The following TBC1D15 variants were observed in gnomAD, a reference collection of about 807,000 sequenced individuals.
TBC1D15 encodes the protein TBC1 domain family member 15.
In TBC1D15, 39 loss-of-function variants were observed where a neutral mutation model predicts 95.4. The ratio of observed to expected loss-of-function variants is 0.41; its 90% CI spans 0.32 to 0.53. The LOEUF (loss-of-function observed/expected upper bound fraction) is 0.53, where lower values mean the gene tolerates loss of function less well. Ranked by LOEUF, TBC1D15 falls within the 20% of genes least tolerant of loss-of-function variation. The pLI, the probability that TBC1D15 is intolerant of heterozygous loss-of-function variation, is 0.29. For missense variants in TBC1D15, 733 were observed against 794.3 expected (o/e 0.92, Z 0.93); for synonymous variants, 258 against 261.3 (o/e 0.99, Z 0.12).
chr12:71,902,730 G>A (rs1592798221), intron 10 of TBC1D15, among the ~76,000 whole-genome samples: 1 of 152,110 alleles, frequency 6.6e-6, no homozygotes, highest in East Asian at 1.9e-4. Context: ...TGACAAGTGG[G>A]ACCTAATTAA....
At chr12:71,861,576 G>T (rs1230636598) in intron 1 of TBC1D15, 8 of 1,303,244 alleles carry the variant, frequency 6.1e-6, no homozygotes, top group Non-Finnish European at 8.1e-6. Context: ...ATTTTATTTG[G>T]GTCTTTTCAC....
At chr12:71,899,229 C>G (rs79590204) in intron 10 of TBC1D15, among the ~76,000 whole-genome samples, 4,768 of 152,210 alleles carry the variant, frequency 0.031, 253 homozygotes, top group African/African-American at 0.11. Context: ...TGATCCTTTC[C>G]AGGAGACTGG....
intron 1 of TBC1D15, among the ~76,000 whole-genome samples, chr12:71,850,664 G>A (rs1220487324): frequency 1.3e-5 from 2 of 152,050 alleles, no homozygotes. Context: ...CTCCTACCTG[G>A]GCCTCTGTAT....
chr12:71,912,469 C>T (rs950716816), intron 11 of TBC1D15, among the ~76,000 whole-genome samples: 5 of 152,086 alleles, frequency 3.3e-5, no homozygotes, highest in Non-Finnish European at 7.4e-5. Flanking sequence ...GACAGAGGCT[C>T]ACAGCAAATT....
chr12:71,923,537 C>A lies in TBC1D15; in HGVS notation c.*333C>A, dbSNP rs1375773826. 4.3e-5 allele frequency: 9 copies of A among 211,510 alleles called. No homozygotes were observed. Among genetic ancestry groups the A allele is most frequent in the Non-Finnish European group, 9.5e-6 (1 of 104,972 alleles). The allele number at this position is 211,510 out of a possible 1,614,324, so 13.1% of individuals were successfully genotyped here. ...TTGAAAAACATTCACTTTGTTTAAG[C>A]TTATTGGGTTTCAGATTTGATTAAA... On this transcript the variant is annotated 3_prime_UTR_variant, in exon 17 of 17. Transcript: ENST00000485960.
intron 1 of TBC1D15, among the ~76,000 whole-genome samples, chr12:71,852,727 TTTGC>T (rs773398264): frequency 3.9e-5 from 6 of 152,144 alleles, no homozygotes; most frequent in Non-Finnish European, 8.8e-5. Context: ...AGCCAGGCTG[TTTGC>T]TAAGACATAG....
At chr12:71,874,621 AT>A (rs57095362) in intron 3 of TBC1D15, among the ~76,000 whole-genome samples, 341 of 122,280 alleles carry the variant, frequency 2.8e-3, no homozygotes, top group African/African-American at 6.6e-3. Context: ...TATATTTACT[AT>A]TTTTTTTTTT....
Position 71,872,107 on chromosome 12 carries a change from C to T in TBC1D15, c.68C>T (p.Ser23Phe). 1 of 1,572,914 alleles carries T rather than the reference C, an allele frequency of 6.4e-7. No homozygotes were observed. The change falls in exon 2 of 17, where the codon TCT (serine) becomes TTT (phenylalanine). Residue 23 changes from serine (S) to phenylalanine (F), a missense_variant. Physicochemically the swap from Ser to Phe is radical, Grantham distance 155. Transcript: ENST00000485960. ...CAAGAAGGAGTATATATTCACTCAT[C>T]TTGTGGAAAGACCAATGACCAAGAC... ...YEQEGVYIHS[S>F]CGKTNDQDGL...
At chr12:71,866,965 T>C (rs994572822) in intron 1 of TBC1D15, among the ~76,000 whole-genome samples, 1 of 152,208 alleles carries the variant, frequency 6.6e-6, no homozygotes, top group Non-Finnish European at 1.5e-5. Flanking sequence ...TGCTTAGACA[T>C]TAGGGTGATG....
intron 1 of TBC1D15, among the ~76,000 whole-genome samples, chr12:71,871,683 T>C (rs1163577737): frequency 6.6e-6 from 1 of 152,250 alleles, no homozygotes; most frequent in Non-Finnish European, 1.5e-5. Context: ...AACCTTGAAC[T>C]CCTGGGCTCA....
chr12:71,913,689 T>G, intron 11 of TBC1D15, 137 bp from the exon 12 acceptor site: 1 of 589,840 alleles, frequency 1.7e-6, no homozygotes, highest in African/African-American at 2.0e-5. Flanking sequence ...CTTTTCTTGG[T>G]GAACATCAGT....
At chr12:71,878,483 C>T (rs973859539) in intron 3 of TBC1D15, among the ~76,000 whole-genome samples, 2 of 150,192 alleles carry the variant, frequency 1.3e-5, no homozygotes, top group East Asian at 2.0e-4. Context: ...TCACTACTGA[C>T]GATAGGGTTA....
rs759918648 is a variant in TBC1D15 at position 71,897,897 on chromosome 12, A to G, written c.1139A>G (p.Gln380Arg). ...KLQWKSISQE[Q>R]EKRNSRLRDY... The stretch of plus-strand genomic sequence containing the variant: ...CAGTGGAAATCCATCAGCCAGGAAC[A>G]AGAGAAAAGAAATTCGAGGTTAAGA... Residue 380 changes from glutamine to arginine, a missense_variant, in exon 10 of 17, where the codon CAA (glutamine) becomes CGA (arginine). Transcript: ENST00000485960. 6.2e-7 allele frequency: 1 copy of G among 1,612,878 alleles called. No homozygotes were observed.
At position 71,872,050 on chromosome 12, in the gene TBC1D15, C is replaced by A. The variant is rs780475975; in HGVS notation, c.31-20C>A. On this transcript the variant is annotated intron_variant, in intron 1 of 16. Transcript: ENST00000485960. ...TACTCAATAGAAATTATGTGACTAA[C>A]TTTATTTTTGCTGTTTTAGATTATA... 2.5e-6 allele frequency: 3 copies of A among 1,191,782 alleles called. No homozygotes were observed. The highest frequency in any genetic ancestry group is 3.2e-5 in the African/African-American group (2 of 63,334). 73.8% of individuals were successfully genotyped at this position (1,191,782 alleles called of 1,614,324 possible). A position where few individuals can be genotyped will look rare whatever the true frequency, so the allele number is the denominator to read the frequency against.
At chr12:71,857,039 TTACA>T (rs780847942) in intron 1 of TBC1D15, among the ~76,000 whole-genome samples, 134 of 152,156 alleles carry the variant, frequency 8.8e-4, no homozygotes, top group Admixed American at 2.0e-3. Flanking sequence ...AATAAAAATA[TTACA>T]TAGCAGATAA....
At chr12:71,900,772 A>C (rs1198876267) in intron 10 of TBC1D15, among the ~76,000 whole-genome samples, 1 of 152,126 alleles carries the variant, frequency 6.6e-6, no homozygotes, top group African/African-American at 2.4e-5. Context: ...AAATAAGGCA[A>C]GGAAAAGGGT....
chr12:71,852,327 G>A (rs1313489466), intron 1 of TBC1D15, among the ~76,000 whole-genome samples: 1 of 152,184 alleles, frequency 6.6e-6, no homozygotes, highest in Non-Finnish European at 1.5e-5. Flanking sequence ...TCCCTCCTAT[G>A]CGTTGGTCCT....
chr12:71,881,916 CAAAAAAAA>C (rs35977474), intron 4 of TBC1D15, among the ~76,000 whole-genome samples: 2 of 53,600 alleles, frequency 3.7e-5, no homozygotes, highest in Non-Finnish European at 7.4e-5. Flanking sequence ...GACTCCGTCT[CAAAAAAAA>C]AAAAAAAAAA....
chr12:71,896,095 A>G lies in TBC1D15; in HGVS notation c.984+20A>G. On this transcript the variant is annotated intron_variant, in intron 8 of 16. Transcript: ENST00000485960. ...AGAGGGGTAATTTAAACACTCTAAT[A>G]TGGCTTGTCTTATAAACTCCTAGTA... 3 of 1,579,210 alleles carry G rather than the reference A, an allele frequency of 1.9e-6. No homozygotes were observed. The highest frequency in any genetic ancestry group is 1.1e-5 in the South Asian group (1 of 88,486).
Sources: allele counts gnomAD v4.1 joint callset (sites outside exome capture counted in the v4.1 genomes callset), GRCh38; gene constraint gnomAD v4.1.1; transcripts MANE v1.5; gene names NCBI Gene and HGNC (gene_info 2026-07-23, HGNC 2026-07-21).